Variants in L3MBTL3 observed in about 807,000 individuals in gnomAD.
L3MBTL3 encodes the protein lethal(3)malignant brain tumor-like protein 3.
L3MBTL3 carries 27 observed loss-of-function variants against 102.3 expected under a neutral mutation model. That is an observed-to-expected ratio of 0.26 (90% CI 0.19 to 0.36). The LOEUF is 0.36. Among genes scored for constraint, L3MBTL3 ranks in the 10% least tolerant of loss-of-function variants. L3MBTL3 has a pLI of 1.00. For missense variants in L3MBTL3, 798 were observed against 955.3 expected (o/e 0.84, Z 2.17); for synonymous variants, 340 against 320.9 (o/e 1.06, Z -0.64).
chr6:130,068,380 G>C lies in L3MBTL3; in HGVS notation c.1051G>C (p.Ala351Pro). ...GCAGACCTATCTTAAGACATGTAAA[G>C]CTCAAGCTGCTCCTAAGTCATTATT... ...NWQTYLKTCK[A>P]QAAPKSLFEN... The change falls in exon 12 of 23, where the codon GCT (alanine) becomes CCT (proline). Residue 351 changes from alanine to proline, a missense_variant. Ala to Pro is a conservative substitution (Grantham distance 27). Around this residue, in one of 4 missense-constraint regions of L3MBTL3, gnomAD observed 434 missense variants for 506.6 expected, o/e 0.86. Transcript: ENST00000361794. 2 of 1,605,384 alleles carry C rather than the reference G, an allele frequency of 1.2e-6. No homozygotes were observed. The highest frequency in any genetic ancestry group is 1.7e-6 in the Non-Finnish European group (2 of 1,172,374).
At chr6:130,105,129 G>T (rs1252406260) in intron 19 of L3MBTL3, among the ~76,000 whole-genome samples, 1 of 152,162 alleles carries the variant, frequency 6.6e-6, no homozygotes, top group Non-Finnish European at 1.5e-5. Flanking sequence ...TTAAGCAAGT[G>T]ATCCATTCCC....
chr6:130,038,528 G>A (rs1269382703), intron 2 of L3MBTL3, among the ~76,000 whole-genome samples: 1 of 151,942 alleles, frequency 6.6e-6, no homozygotes, highest in Non-Finnish European at 1.5e-5. Flanking sequence ...GTGATTCTGA[G>A]CATTTTTTTA....
intron 10 of L3MBTL3, 49 bp from the exon 11 acceptor site, chr6:130,066,296 ATATATATG>A: frequency 1.6e-6 from 1 of 630,560 alleles, no homozygotes; most frequent in Non-Finnish European, 2.5e-6. Flanking sequence ...GTATATATAT[ATATATATG>A]AATATTCTGA....
At chr6:130,105,971 G>A (rs1163333839) in intron 19 of L3MBTL3, among the ~76,000 whole-genome samples, 1 of 152,106 alleles carries the variant, frequency 6.6e-6, no homozygotes, top group South Asian at 2.1e-4. Flanking sequence ...TTTATAATGA[G>A]TCTAACCGTT....
At chr6:130,079,748 C>G (rs971952304) in intron 14 of L3MBTL3, among the ~76,000 whole-genome samples, 1 of 152,090 alleles carries the variant, frequency 6.6e-6, no homozygotes, top group Non-Finnish European at 1.5e-5. Flanking sequence ...TTCATTTTTA[C>G]GTTTGTCTCC....
intron 19 of L3MBTL3, among the ~76,000 whole-genome samples, chr6:130,115,773 T>A (rs1333582558): frequency 6.6e-6 from 1 of 152,258 alleles, no homozygotes; most frequent in Non-Finnish European, 1.5e-5. Context: ...ACTATGATTG[T>A]ATTTCCATTC....
At position 130,057,472 on chromosome 6, in the gene L3MBTL3, C is replaced by T; in HGVS notation, c.734C>T (p.Ala245Val). ...ASYLEEEKAV[A>V]VPAKLFKEHQ... ...TACCTGGAAGAGGAGAAAGCGGTGG[C>T]AGTGCCGGCGAAGCTGTTCAAGGAG... Residue 245 changes from alanine to valine, a missense_variant, in exon 9 of 23, where the codon GCA becomes GTA. Physicochemically the swap from Ala to Val is moderately conservative, Grantham distance 64. This residue lies in a region of L3MBTL3 where 434 missense variants were observed against 506.6 expected (regional missense o/e 0.86). Coordinates refer to ENST00000361794, the MANE Select transcript of L3MBTL3 (RefSeq NM_032438.4). 2 of 1,610,132 alleles carry T rather than the reference C, an allele frequency of 1.2e-6. No homozygotes were observed. The highest frequency in any genetic ancestry group is 1.7e-6 in the Non-Finnish European group (2 of 1,178,746).
intron 10 of L3MBTL3, among the ~76,000 whole-genome samples, chr6:130,062,692 G>A (rs1222104608): frequency 6.6e-6 from 1 of 151,060 alleles, no homozygotes; most frequent in African/African-American, 2.4e-5. Flanking sequence ...ACCACACCTG[G>A]CATACATATT....
intron 14 of L3MBTL3, among the ~76,000 whole-genome samples, chr6:130,081,421 C>CG (rs1266102730): frequency 7.4e-6 from 1 of 135,844 alleles, no homozygotes; most frequent in African/African-American, 2.8e-5. Flanking sequence ...GTATTAACTC[C>CG]ATTTTTTTTT....
chr6:130,044,401 A>T (rs550177747), intron 3 of L3MBTL3, among the ~76,000 whole-genome samples: 21 of 151,958 alleles, frequency 1.4e-4, no homozygotes, highest in South Asian at 2.1e-4. Flanking sequence ...GGCTTTTTTT[A>T]AAAAAAACTG....
intron 19 of L3MBTL3, among the ~76,000 whole-genome samples, chr6:130,119,731 G>C (rs1213136950): frequency 2.6e-5 from 4 of 152,126 alleles, no homozygotes; most frequent in Non-Finnish European, 5.9e-5. Flanking sequence ...ATGAAATTTT[G>C]CATTTGCTCC....
At chr6:130,022,082 A>G (rs1370233091) in intron 1 of L3MBTL3, 145 bp from the exon 2 acceptor site, 2 of 152,208 alleles carry the variant, frequency 1.3e-5, no homozygotes, top group Non-Finnish European at 2.9e-5. Context: ...AGCTTATTTT[A>G]TTTTAATTTA....
intron 20 of L3MBTL3, among the ~76,000 whole-genome samples, chr6:130,123,645 G>C (rs1786393480): frequency 6.6e-6 from 1 of 152,012 alleles, no homozygotes; most frequent in Non-Finnish European, 1.5e-5. Flanking sequence ...ACGATTCTAG[G>C]CTTTCTTTTA....
At chr6:130,043,793 A>G (rs920446824) in intron 3 of L3MBTL3, among the ~76,000 whole-genome samples, 2 of 152,140 alleles carry the variant, frequency 1.3e-5, no homozygotes, top group African/African-American at 4.8e-5. Context: ...CTCAGTGGTG[A>G]GATTGGGACA....
At chr6:130,131,225 A>G (rs79959592) in intron 20 of L3MBTL3, among the ~76,000 whole-genome samples, 5 of 117,098 alleles carry the variant, frequency 4.3e-5, no homozygotes, top group East Asian at 4.7e-4. Context: ...GAGCCTCTCT[A>G]TGTGGACAAT....
At chr6:130,026,806 A>G (rs1211405097) in intron 2 of L3MBTL3, among the ~76,000 whole-genome samples, 2 of 152,160 alleles carry the variant, frequency 1.3e-5, no homozygotes, top group African/African-American at 4.8e-5. Flanking sequence ...TGAAAAATAT[A>G]TATATAAAGC....
At chr6:130,113,426 GA>G (rs1785471781) in intron 19 of L3MBTL3, among the ~76,000 whole-genome samples, 1 of 152,192 alleles carries the variant, frequency 6.6e-6, no homozygotes, top group African/African-American at 2.4e-5. Flanking sequence ...TTGTTCTCAT[GA>G]AATCTATTCT....
intron 19 of L3MBTL3, among the ~76,000 whole-genome samples, chr6:130,107,035 G>A (rs1785025563): frequency 6.6e-6 from 1 of 152,194 alleles, no homozygotes; most frequent in Non-Finnish European, 1.5e-5. Flanking sequence ...AGAAGATACT[G>A]GCAGAGTAGC....
chr6:130,107,815 G>A (rs536182617), intron 19 of L3MBTL3, among the ~76,000 whole-genome samples: 22 of 152,130 alleles, frequency 1.4e-4, no homozygotes, highest in Non-Finnish European at 1.9e-4. Flanking sequence ...TCTCTTAGGG[G>A]TTTTTTTCCT....
Sources: allele counts gnomAD v4.1 joint callset (sites outside exome capture counted in the v4.1 genomes callset), GRCh38; gene constraint gnomAD v4.1.1; regional missense constraint gnomAD v4.1.1; transcripts MANE v1.5; gene names NCBI Gene and HGNC (gene_info 2026-07-23, HGNC 2026-07-21).